Variants in NUP107 observed in about 807,000 individuals in gnomAD.
NUP107 encodes the protein nuclear pore complex protein Nup107.
In NUP107, 101 loss-of-function variants were observed where a neutral mutation model predicts 141.0. The observed-to-expected ratio is 0.72, with a 90% CI of 0.61 to 0.84. The LOEUF (loss-of-function observed/expected upper bound fraction) is 0.84. NUP107 is among the 40% of genes least tolerant of loss of function. NUP107 has a pLI of 0.00. For synonymous variants in NUP107, 319 were observed against 363.9 expected (o/e 0.88, Z 1.41); for missense variants, 941 against 1,102.7 (o/e 0.85, Z 2.08).
At chr12:68,728,286 A>G (rs759940747) in intron 20 of NUP107, among the ~76,000 whole-genome samples, 6 of 66,098 alleles carry the variant, frequency 9.1e-5, no homozygotes, top group Non-Finnish European at 9.8e-5. Flanking sequence ...AGACCATCTC[A>G]AAAAAAAAAA....
At chr12:68,722,479 A>G (rs571472250) in intron 17 of NUP107, among the ~76,000 whole-genome samples, 1 of 152,262 alleles carries the variant, frequency 6.6e-6, no homozygotes, top group East Asian at 1.9e-4. Flanking sequence ...TTCTTTTAAA[A>G]ATGCTTAAAC....
chr12:68,739,984 A>C (rs1043715966), intron 26 of NUP107: 1 of 152,206 alleles, frequency 6.6e-6, no homozygotes, highest in Non-Finnish European at 1.5e-5. Flanking sequence ...TCCTTGTAGC[A>C]ATTTGCTGGG....
intron 1 of NUP107, chr12:68,687,722 A>G (rs1380687569): frequency 1.2e-6 from 1 of 828,570 alleles, no homozygotes; most frequent in Non-Finnish European, 1.5e-6. Context: ...TTGAGTACCT[A>G]CTATGTGACT....
chr12:68,733,557 T>C lies in NUP107; in HGVS notation c.2207T>C (p.Leu736Pro), dbSNP rs1293084072. ...QCEEQGMESP[L>P]PAEDDNAIRE... ...GAGGAACAAGGAATGGAAAGTCCAC[T>C]TCCTGCTGAAGATGATAATGCTATC... The change falls in exon 24 of 28, where the codon CTT becomes CCT. Residue 736 changes from leucine (L) to proline (P), a missense_variant. Leu to Pro is a moderately conservative substitution (Grantham distance 98). Coordinates refer to ENST00000229179, the MANE Select transcript of NUP107 (RefSeq NM_020401.4). 6.2e-7 allele frequency: 1 copy of C among 1,613,170 alleles called. No individual in the cohort carries two copies. The highest frequency in any genetic ancestry group is 8.5e-7 in the Non-Finnish European group (1 of 1,179,434).
At chr12:68,740,430 A>T (rs762879313) in intron 26 of NUP107, among the ~76,000 whole-genome samples, 1 of 152,216 alleles carries the variant, frequency 6.6e-6, no homozygotes, top group Admixed American at 6.5e-5. Flanking sequence ...GCTTTTATGT[A>T]TTTATGCTTC....
chr12:68,739,905 AT>A (rs1456039748), intron 26 of NUP107: 1 of 151,872 alleles, frequency 6.6e-6, no homozygotes, highest in Non-Finnish European at 1.5e-5. Flanking sequence ...TTTACCGGCT[AT>A]TTCAAAGCTT....
intron 4 of NUP107, among the ~76,000 whole-genome samples, chr12:68,690,972 C>T (rs758479090): frequency 4.6e-5 from 7 of 151,462 alleles, no homozygotes; most frequent in Non-Finnish European, 7.4e-5. Context: ...CCTAGCTGCT[C>T]GGGAGGCTGA....
At chr12:68,734,629 A>G in intron 24 of NUP107, 79 bp from the exon 25 acceptor site, 2 of 1,083,312 alleles carry the variant, frequency 1.8e-6, no homozygotes, top group East Asian at 2.5e-5. Flanking sequence ...TAAGAATCAA[A>G]TGTTAAAAAT....
chr12:68,690,359 G>A, intron 3 of NUP107: 1 of 468,214 alleles, frequency 2.1e-6, no homozygotes, highest in Non-Finnish European at 3.8e-6. Context: ...TGACTGATTA[G>A]TGTCTTTAAC....
Position 68,696,870 on chromosome 12 carries a change from C to T in NUP107, c.500C>T (p.Ser167Leu), listed in dbSNP as rs1048356730. Residue 167 changes from serine to leucine, a missense_variant, in exon 6 of 28, where the codon TCG (serine) becomes TTG (leucine). By Grantham distance (145) the Ser-to-Leu change is moderately radical. Coordinates refer to ENST00000229179, the MANE Select transcript of NUP107 (RefSeq NM_020401.4). ...DFLQSFLKHS[S>L]STVFDLVEEY... ...CTGCAGTCTTTTCTGAAGCACTCTT[C>T]GAGTACAGTTTTTGATCTTGTGGAA... 8.7e-6 allele frequency: 14 copies of T among 1,608,330 alleles called. No homozygotes were observed. Among genetic ancestry groups the T allele is most frequent in the Non-Finnish European group, 1.1e-5 (13 of 1,177,970 alleles).
chr12:68,688,070 A>G (rs1336874402), intron 1 of NUP107, among the ~76,000 whole-genome samples: 1 of 152,152 alleles, frequency 6.6e-6, no homozygotes, highest in Admixed American at 6.5e-5. Flanking sequence ...CACATGCAGT[A>G]TACGTTTAAA....
At chr12:68,718,565 A>C (rs942811495) in intron 12 of NUP107, among the ~76,000 whole-genome samples, 2 of 152,100 alleles carry the variant, frequency 1.3e-5, no homozygotes, top group Non-Finnish European at 2.9e-5. Flanking sequence ...TTTCTAGCAG[A>C]ATTAAATGCC....
At position 68,721,716 on chromosome 12, in the gene NUP107, T is replaced by A. The variant is rs4913294; in HGVS notation, c.1312-125T>A. On this transcript the variant is annotated intron_variant, in intron 15 of 27. Coordinates refer to ENST00000229179, the MANE Select transcript of NUP107 (RefSeq NM_020401.4). ...GAAAGGTTATTTGGCATAATTTTTT[T>A]AAAATCTGCCGTGTTTTATATCATT... The A allele has an allele frequency of 0.015, 14,214 of 944,836 alleles. 797 individuals carry two copies. In the African/African-American group the frequency reaches 0.15, roughly 10 times the overall value. 58.5% of individuals were successfully genotyped at this position (944,836 alleles called of 1,614,324 possible).
rs1183015928 is a variant in NUP107 at position 68,716,243 on chromosome 12, TTC to T, written c.1083+505_1083+506del. On this transcript the variant is annotated intron_variant, in intron 12 of 27. Coordinates refer to ENST00000229179, the MANE Select transcript of NUP107 (RefSeq NM_020401.4). Reference sequence around the variant, plus strand: ...TTTCTTTCTTTCTTTCTTTCTTTCTTTCTTTTTTTTTTTGAGATGGGATCTCA... The same window carrying T: ...TTTCTTTCTTTCTTTCTTTCTTTCTTTTTTTTTTTTTGAGATGGGATCTCA... 2.1e-3 allele frequency among the ~76,000 whole-genome samples: 296 copies of T among 140,650 alleles called. 1 individual carries two copies. The highest frequency in any genetic ancestry group is 3.4e-3 in the Non-Finnish European group (225 of 65,276). The allele number at this position is 140,650 out of a possible 152,430, so 92.3% of individuals were successfully genotyped here.
At chr12:68,690,883 T>C (rs1410669328) in intron 4 of NUP107, 137 bp downstream of exon 4, 5 of 735,274 alleles carry the variant, frequency 6.8e-6, no homozygotes, top group Non-Finnish European at 8.7e-6. Context: ...AGTTTGAGAC[T>C]AGCCTGCTTA....
chr12:68,687,388 G>A, intron 1 of NUP107: 1 of 1,072,570 alleles, frequency 9.3e-7, no homozygotes, highest in Non-Finnish European at 1.2e-6. Flanking sequence ...AATGCTAAGT[G>A]ACCAGCCTGA....
In NUP107 at chr12:68,741,864, C is replaced by T; in HGVS notation, c.2554C>T (p.Leu852Phe). ...RTHQMVLLRK[L>F]CLPMLCFLLH... is the part of the protein sequence containing the mutation. ...ACATCAAATGGTCTTACTGAGAAAG[C>T]TTTGTCTGCCAATGTTGTGTTTTCT... Residue 852 changes from leucine to phenylalanine, a missense_variant, in exon 27 of 28, where the codon CTT becomes TTT. Transcript: ENST00000229179. The T allele has an allele frequency of 6.8e-6, 11 of 1,613,980 alleles. No homozygotes were observed. Among genetic ancestry groups the T allele is most frequent in the Non-Finnish European group, 9.3e-6 (11 of 1,179,960 alleles).
chr12:68,741,330 A>G (rs568329047), intron 26 of NUP107, among the ~76,000 whole-genome samples: 1 of 152,232 alleles, frequency 6.6e-6, no homozygotes, highest in East Asian at 1.9e-4. Context: ...GTTTTTAAAA[A>G]TTATATAAAG....
At chr12:68,695,574 G>A (rs138689840) in intron 5 of NUP107, among the ~76,000 whole-genome samples, 2 of 152,318 alleles carry the variant, frequency 1.3e-5, no homozygotes, top group East Asian at 3.9e-4. Context: ...GTCAACACAT[G>A]TAGGGACAGA....
Sources: gnomAD v4.1 joint callset for allele counts (sites outside exome capture counted in the v4.1 genomes callset) on GRCh38, gnomAD v4.1.1 for gene constraint, MANE v1.5 for transcripts, NCBI Gene and HGNC (gene_info 2026-07-23, HGNC 2026-07-21) for gene names.